Variants in TANGO2 observed in about 807,000 individuals in gnomAD.
The protein encoded by TANGO2 is transport and Golgi organization protein 2 homolog.
Under a neutral mutation model 39.1 loss-of-function variants are expected in TANGO2, and 26 were observed. The ratio of observed to expected loss-of-function variants is 0.67; its 90% CI spans 0.49 to 0.92. TANGO2 has a LOEUF of 0.92. Among genes scored for constraint, TANGO2 ranks in the 40% least tolerant of loss-of-function variants. The pLI is 0.00. For missense variants in TANGO2, 326 were observed against 360.1 expected (o/e 0.91, Z 0.77); for synonymous variants, 131 against 144.5 (o/e 0.91, Z 0.67).
intron 1 of TANGO2, among the ~76,000 whole-genome samples, chr22:20,031,852 C>A (rs1030828541): frequency 6.6e-6 from 1 of 152,214 alleles, no homozygotes; most frequent in South Asian, 2.1e-4. Flanking sequence ...GTGCCGAGGC[C>A]ATCCTGACTC....
chr22:20,017,992 CATGCTT>C (rs1323597130), upstream of TANGO2, among the ~76,000 whole-genome samples: 1 of 152,230 alleles, frequency 6.6e-6, no homozygotes, highest in Non-Finnish European at 1.5e-5. Context: ...TGCCCACAAC[CATGCTT>C]ATGAGTGGTG....
At position 20,052,572 on chromosome 22, in the gene TANGO2, G is replaced by T; in HGVS notation, c.253G>T (p.Ala85Ser). Reference sequence around the variant, plus strand: ...CCTGCAGCCGCAGCTGGACTGGCAGGCCCGAGGGCGAGGTAAGGCGAGTGG... The same window carrying T: ...CCTGCAGCCGCAGCTGGACTGGCAGTCCCGAGGGCGAGGTAAGGCGAGTGG... ...NYLQPQLDWQARGRGELVTHF... is the reference protein window; with the variant it reads ...NYLQPQLDWQSRGRGELVTHF... The change falls in exon 4 of 9, where the codon GCC becomes TCC. Residue 85 changes from alanine (A) to serine (S), a missense_variant. By Grantham distance (99) the Ala-to-Ser change is moderately conservative. Transcript: ENST00000327374. 1.3e-6 allele frequency: 2 copies of T among 1,572,882 alleles called. No individual in the cohort carries two copies. Among genetic ancestry groups the T allele is most frequent in the South Asian group, 1.2e-5 (1 of 85,948 alleles).
chr22:20,052,715 G>A, intron 4 of TANGO2, 131 bp downstream of exon 4: 3 of 1,203,686 alleles, frequency 2.5e-6, no homozygotes, highest in Non-Finnish European at 3.5e-6. Flanking sequence ...GGTAGGAAGT[G>A]CCAAGGTGCT....
chr22:20,018,137 C>A (rs1465402867), upstream of TANGO2, among the ~76,000 whole-genome samples: 1 of 152,222 alleles, frequency 6.6e-6, no homozygotes, highest in African/African-American at 2.4e-5. Flanking sequence ...CTGGGACCAC[C>A]GCTGGGTCCA....
In TANGO2 at chr22:20,053,656, C is replaced by A. The variant is rs556260988; in HGVS notation, c.380+105C>A. On this transcript the variant is annotated intron_variant, in intron 5 of 8. Coordinates refer to ENST00000327374, the MANE Select transcript of TANGO2 (RefSeq NM_152906.7). ...TCCACTGGGGGCTGTGGCAGCCTCTCCAGGGACGTTGCTCCTCGTGACTTG... is the reference window on the plus strand; with the variant it reads ...TCCACTGGGGGCTGTGGCAGCCTCTACAGGGACGTTGCTCCTCGTGACTTG... 3 of 763,108 alleles carry A rather than the reference C, an allele frequency of 3.9e-6. No individual in the cohort carries two copies. In the African/African-American group the frequency reaches 5.1e-5, roughly 13 times the overall value. 47.3% of individuals were successfully genotyped at this position (763,108 alleles called of 1,614,324 possible). A position where few individuals can be genotyped will look rare whatever the true frequency, so the allele number is the denominator to read the frequency against.
intron 8 of TANGO2, 117 bp downstream of exon 8, chr22:20,063,559 G>A: frequency 2.2e-6 from 2 of 918,342 alleles, no homozygotes; most frequent in Middle Eastern, 2.2e-4. Flanking sequence ...TCGCCTGAGT[G>A]GATTCCAGAG....
chr22:20,059,295 A>C (rs2047937504), intron 6 of TANGO2, among the ~76,000 whole-genome samples: 1 of 152,164 alleles, frequency 6.6e-6, no homozygotes, highest in South Asian at 2.1e-4. Flanking sequence ...ATTAATGGAC[A>C]CTTGAGTTTT....
intron 1 of TANGO2, among the ~76,000 whole-genome samples, chr22:20,023,704 A>T (rs2040177998): frequency 6.6e-6 from 1 of 151,790 alleles, no homozygotes; most frequent in Admixed American, 6.6e-5. Context: ...AATACAAAAA[A>T]ATTAGCCGGA....
At chr22:20,019,741 C>T (rs150956252), upstream of TANGO2, among the ~76,000 whole-genome samples, 458 of 152,336 alleles carry the variant, frequency 3.0e-3, no homozygotes, top group Middle Eastern at 0.017. Flanking sequence ...TCCCACTTGT[C>T]CACCACCACC....
intron 1 of TANGO2, among the ~76,000 whole-genome samples, chr22:20,024,699 C>T (rs2040395074): frequency 6.6e-6 from 1 of 152,230 alleles, no homozygotes; most frequent in Admixed American, 6.5e-5. Flanking sequence ...GTCTAGGTCC[C>T]CTTGACCCTG....
In TANGO2 at chr22:20,031,197, C is replaced by CAA. The variant is rs34301152; in HGVS notation, c.-39-5552_-39-5551dup. ...TAGGTGACAGATCGAGACTCTGTCT[C>CAA]AAAAAAAAAAAATTAGCCGGGTGTG... On this transcript the variant is annotated intron_variant, in intron 1 of 8. Coordinates refer to ENST00000327374, the MANE Select transcript of TANGO2 (RefSeq NM_152906.7). Among the ~76,000 whole-genome samples, 508 of 145,570 alleles carry CAA rather than the reference C, an allele frequency of 3.5e-3. 4 individuals carry two copies. Among genetic ancestry groups the CAA allele is most frequent in the Non-Finnish European group, 5.9e-3 (391 of 66,478 alleles).
intron 1 of TANGO2, among the ~76,000 whole-genome samples, chr22:20,033,527 T>C (rs2042265408): frequency 6.6e-6 from 1 of 152,188 alleles, no homozygotes; most frequent in South Asian, 2.1e-4. Context: ...CTGAAGTTGA[T>C]TGAGACCAAC....
chr22:20,041,091 A>G (rs1377271090), intron 2 of TANGO2, among the ~76,000 whole-genome samples: 1 of 152,216 alleles, frequency 6.6e-6, no homozygotes, highest in Non-Finnish European at 1.5e-5. Flanking sequence ...AGTGGGGGGC[A>G]CACATGTGCA....
chr22:20,036,712 C>T (rs749428554), intron 1 of TANGO2, 48 bp from the exon 2 acceptor site: 717 of 1,542,148 alleles, frequency 4.6e-4, no homozygotes, highest in Non-Finnish European at 5.9e-4. Context: ...GGAGGGCAGC[C>T]CTGAGTGTCT....
intron 1 of TANGO2, among the ~76,000 whole-genome samples, chr22:20,030,600 C>T (rs531226335): frequency 8.4e-4 from 128 of 151,714 alleles, no homozygotes; most frequent in Non-Finnish European, 1.3e-3. Flanking sequence ...CCACCTTGGC[C>T]TCCCAAAGTG....
chr22:20,046,098 G>C (rs566339944), intron 3 of TANGO2, among the ~76,000 whole-genome samples: 1 of 151,970 alleles, frequency 6.6e-6, no homozygotes, highest in Non-Finnish European at 1.5e-5. Context: ...TTGTGCCACT[G>C]TCTTAGTTCG....
rs1387177889 is a variant in TANGO2 at position 20,057,498 on chromosome 22, G to A, written c.451+1485G>A. On this transcript the variant is annotated intron_variant, in intron 6 of 8. Coordinates refer to ENST00000327374, the MANE Select transcript of TANGO2 (RefSeq NM_152906.7). This position sits in a 1 kb window ranked among gnomAD's most constrained non-coding sequence, Gnocchi z 4.1. Reference sequence around the variant, plus strand: ...GGGCTTATCCTTCCGGCCACCCTCTGTGACCCTGGTCTTCCCCTCCCTACC... The same window carrying A: ...GGGCTTATCCTTCCGGCCACCCTCTATGACCCTGGTCTTCCCCTCCCTACC... 1.3e-5 allele frequency among the ~76,000 whole-genome samples: 2 copies of A among 152,198 alleles called. No homozygotes were observed. Among genetic ancestry groups the A allele is most frequent in the African/African-American group, 2.4e-5 (1 of 41,442 alleles).
intron 6 of TANGO2, chr22:20,056,242 G>A (rs765408468): frequency 5.1e-5 from 35 of 687,164 alleles, no homozygotes; most frequent in South Asian, 4.4e-4. Flanking sequence ...AGCAAGGTGC[G>A]CCCCTGTTCT....
At position 20,064,919 on chromosome 22, in the gene TANGO2, A is replaced by G. The variant is rs3804044; in HGVS notation, c.*257A>G. 71,934 of 476,488 alleles carry G rather than the reference A, an allele frequency of 0.15. 8,011 individuals are homozygous for G. Among genetic ancestry groups the G allele is most frequent in the East Asian group, 0.45 (12,835 of 28,280 alleles). The allele number at this position is 476,488 out of a possible 1,614,324, so 29.5% of individuals were successfully genotyped here. On this transcript the variant is annotated 3_prime_UTR_variant, in exon 9 of 9. Transcript: ENST00000327374. ...GCCGAGGTATACCATGAACATGTGG[A>G]TACACCTGAGCCCACTCTTGCACAT...
Sources: allele counts gnomAD v4.1 joint callset (sites outside exome capture counted in the v4.1 genomes callset), GRCh38; gene constraint gnomAD v4.1.1; non-coding constraint Gnocchi (gnomAD v3.1); transcripts MANE v1.5; gene names NCBI Gene and HGNC (gene_info 2026-07-23, HGNC 2026-07-21).